The following TMEM117 variants were observed in gnomAD, a reference collection of about 807,000 sequenced individuals.
TMEM117 encodes the protein transmembrane protein 117.
In TMEM117, 27 loss-of-function variants were observed where a neutral mutation model predicts 52.4. The observed-to-expected ratio is 0.51, with a 90% CI of 0.38 to 0.71. TMEM117 has a LOEUF of 0.71. Ranked by LOEUF, TMEM117 falls within the 30% of genes least tolerant of loss-of-function variation. The probability of loss-of-function intolerance (pLI) is 0.00; values close to 1 mark genes in which losing one functional copy is unlikely to be tolerated. For synonymous variants in TMEM117, 215 were observed against 206.3 expected, an observed-to-expected ratio of 1.04 and a Z score of -0.36; for missense variants, 556 against 630.5, an observed-to-expected ratio of 0.88 and a Z score of 1.26.
the TMEM117 span, among the ~76,000 whole-genome samples, chr12:43,816,843 T>C: frequency 1.3e-5 from 2 of 152,240 alleles, no homozygotes; most frequent in Admixed American, 1.3e-4. Flanking sequence ...CCAGCATTAA[T>C]TTATCTGACA....
intron 3 of TMEM117, among the ~76,000 whole-genome samples, chr12:44,128,108 A>G (rs1047222720): frequency 6.6e-6 from 1 of 152,198 alleles, no homozygotes; most frequent in Non-Finnish European, 1.5e-5. Flanking sequence ...AGGCTGTGCA[A>G]AGCCTGCTGG....
At chr12:43,925,244 G>C (rs1881926) in intron 2 of TMEM117, among the ~76,000 whole-genome samples, 102,984 of 151,710 alleles carry the variant, frequency 0.68, 39,026 homozygotes, top group Non-Finnish European at 0.82. Flanking sequence ...TGTCTAGCCA[G>C]AGGTGAGACT....
chr12:43,977,472 C>T (rs1945690884), intron 3 of TMEM117, among the ~76,000 whole-genome samples: 1 of 152,090 alleles, frequency 6.6e-6, no homozygotes, highest in Non-Finnish European at 1.5e-5. Context: ...TTGTTTGGAC[C>T]ACTACATACA....
intron 3 of TMEM117, among the ~76,000 whole-genome samples, chr12:43,946,407 A>C (rs1188001804): frequency 6.2e-5 from 1 of 16,256 alleles, no homozygotes; most frequent in African/African-American, 1.2e-4. Flanking sequence ...TTGTTTTTTT[A>C]TCTAGAGCTA....
intron 6 of TMEM117, among the ~76,000 whole-genome samples, chr12:44,330,627 A>G (rs189859123): frequency 3.9e-4 from 59 of 152,200 alleles, no homozygotes; most frequent in African/African-American, 1.2e-3. Context: ...TCAAGTGTTT[A>G]ATAGCCACAT....
At chr12:44,271,420 CA>C (rs1276804061) in intron 5 of TMEM117, among the ~76,000 whole-genome samples, 1 of 151,946 alleles carries the variant, frequency 6.6e-6, no homozygotes, top group Admixed American at 6.6e-5. Context: ...GCCACTGGAA[CA>C]GAATAGGGAG....
rs577415935 is a variant in TMEM117, at chr12:44,150,554, G to A, written c.510+6930G>A. On this transcript the variant is annotated intron_variant, in intron 4 of 7. Coordinates refer to ENST00000266534, the MANE Select transcript of TMEM117 (RefSeq NM_032256.3). ...TAATAATCAGTTTGTTTGATCATTT[G>A]ATTGAAGCAAAGAGCATAAAAGGGA... Among the ~76,000 whole-genome samples the A allele has an allele frequency of 2.6e-5, 4 of 152,262 alleles. No homozygotes were observed. In the South Asian group the frequency reaches 8.3e-4, roughly 32 times the overall value.
At chr12:44,317,465 G>A (rs929371914) in intron 6 of TMEM117, among the ~76,000 whole-genome samples, 7 of 151,920 alleles carry the variant, frequency 4.6e-5, no homozygotes, top group African/African-American at 1.7e-4. Flanking sequence ...CGCAATCTCA[G>A]CTTACTGAAA....
intron 2 of TMEM117, among the ~76,000 whole-genome samples, chr12:43,915,279 C>G (rs1451933599): frequency 2.6e-5 from 4 of 152,126 alleles, no homozygotes; most frequent in Admixed American, 2.0e-4. Flanking sequence ...GAGTCATTAC[C>G]TCTTAGGATC....
At chr12:44,152,476 C>A (rs1364050250) in intron 4 of TMEM117, among the ~76,000 whole-genome samples, 3 of 101,746 alleles carry the variant, frequency 2.9e-5, no homozygotes, top group African/African-American at 4.4e-5. Flanking sequence ...ATAATTATAT[C>A]ATATATAAAT....
intron 2 of TMEM117, among the ~76,000 whole-genome samples, chr12:43,868,989 C>G (rs1015636082): frequency 3.9e-5 from 6 of 151,906 alleles, no homozygotes; most frequent in African/African-American, 1.5e-4. Flanking sequence ...ACACAAATTA[C>G]CAATGTCAAG....
chr12:44,244,292 T>C (rs906597768), intron 5 of TMEM117: 1 of 152,038 alleles, frequency 6.6e-6, no homozygotes, highest in African/African-American at 2.4e-5. Flanking sequence ...ACTTATCTTT[T>C]GTCTTCTTGA....
chr12:43,800,067 TC>T, the TMEM117 span, among the ~76,000 whole-genome samples: 14 of 152,214 alleles, frequency 9.2e-5, no homozygotes, highest in African/African-American at 3.4e-4. Flanking sequence ...TCCCATCTAG[TC>T]TTGTGCTCTA....
At chr12:44,137,280 C>T (rs1838425398) in intron 3 of TMEM117, among the ~76,000 whole-genome samples, 1 of 151,864 alleles carries the variant, frequency 6.6e-6, no homozygotes, top group South Asian at 2.1e-4. Context: ...GTAGGTTTCT[C>T]AGTGGACAGA....
At chr12:44,218,698 A>C (rs1949751214) in intron 5 of TMEM117, among the ~76,000 whole-genome samples, 1 of 152,216 alleles carries the variant, frequency 6.6e-6, no homozygotes, top group African/African-American at 2.4e-5. Flanking sequence ...TTAACCTATC[A>C]GACATATGAG....
chr12:44,188,953 C>G (rs1949315718), intron 4 of TMEM117, among the ~76,000 whole-genome samples: 1 of 152,046 alleles, frequency 6.6e-6, no homozygotes, highest in Non-Finnish European at 1.5e-5. Context: ...AATAGATGTA[C>G]ATATTTTCAG....
intron 3 of TMEM117, among the ~76,000 whole-genome samples, chr12:44,137,474 T>A (rs981793442): frequency 6.6e-6 from 1 of 152,106 alleles, no homozygotes; most frequent in Admixed American, 6.6e-5. Context: ...AAAATGAAGA[T>A]GCCTTGCAGA....
At chr12:44,176,831 G>A (rs1565861174) in intron 4 of TMEM117, among the ~76,000 whole-genome samples, 1 of 152,066 alleles carries the variant, frequency 6.6e-6, no homozygotes, top group East Asian at 1.9e-4. Context: ...TGGAAAGAAT[G>A]CTCTCTCTAT....
intron 3 of TMEM117, among the ~76,000 whole-genome samples, chr12:44,049,554 T>TAA (rs397940837): frequency 2.1e-4 from 29 of 138,056 alleles, no homozygotes; most frequent in South Asian, 4.6e-4. Context: ...TAAAAAACAT[T>TAA]AAAAAAAAAA....
Sources: allele counts gnomAD v4.1 joint callset (sites outside exome capture counted in the v4.1 genomes callset), GRCh38; gene constraint gnomAD v4.1.1; transcripts MANE v1.5; gene names NCBI Gene and HGNC (gene_info 2026-07-23, HGNC 2026-07-21).